NAV3: variants seen among roughly 807,000 people sequenced by gnomAD.
NAV3 encodes the protein pore membrane and/or filament interacting like protein 1.
In NAV3, 87 loss-of-function variants were observed where a neutral mutation model predicts 244.7. The observed-to-expected ratio is 0.36, with a 90% CI of 0.30 to 0.42. The LOEUF (loss-of-function observed/expected upper bound fraction) is 0.42. Ranked by LOEUF, NAV3 falls within the 20% of genes least tolerant of loss-of-function variation. The pLI, the probability that NAV3 is intolerant of heterozygous loss-of-function variation, is 1.00. For missense variants in NAV3, 2,663 were observed against 2,893.3 expected, an observed-to-expected ratio of 0.92 and a Z score of 1.83; for synonymous variants, 1,126 against 1,042.2, an observed-to-expected ratio of 1.08 and a Z score of -1.55.
intron 1 of NAV3, among the ~76,000 whole-genome samples, chr12:77,857,409 G>A (rs189420409): frequency 5.3e-5 from 8 of 151,404 alleles, no homozygotes; most frequent in African/African-American, 1.9e-4. Flanking sequence ...TAGTGTTAAC[G>A]GTTGCATTGA....
rs1954807555 is a variant in NAV3, at chr12:78,106,474, GTA to G, written c.2637-10296_2637-10295del. On this transcript the variant is annotated intron_variant, in intron 12 of 39. Coordinates refer to ENST00000397909, the MANE Select transcript of NAV3 (RefSeq NM_001024383.2). ...TGGATTGAGAGACAATATTGTTAAAGTATCAGTATTTCCCAAATTAATCAATA... is the reference window on the plus strand; with the variant it reads ...TGGATTGAGAGACAATATTGTTAAAGTCAGTATTTCCCAAATTAATCAATA... Among the ~76,000 whole-genome samples, 5 of 152,302 alleles carry G rather than the reference GTA, an allele frequency of 3.3e-5. No homozygotes were observed. In the South Asian group the frequency reaches 1.0e-3, roughly 32 times the overall value.
intron 12 of NAV3, among the ~76,000 whole-genome samples, chr12:78,061,969 C>T (rs1344448667): frequency 6.6e-6 from 1 of 152,110 alleles, no homozygotes; most frequent in African/African-American, 2.4e-5. Context: ...CTACTAAAAA[C>T]TATGTCCATA....
At chr12:77,697,329 C>A (rs1165109596) in intron 2 of NAV3, among the ~76,000 whole-genome samples, 1 of 152,136 alleles carries the variant, frequency 6.6e-6, no homozygotes, top group Admixed American at 6.6e-5. Flanking sequence ...ATGGGCAGGT[C>A]AAAATGGCTT....
At chr12:77,911,577 A>G (rs1447198218) in intron 1 of NAV3, among the ~76,000 whole-genome samples, 3 of 152,244 alleles carry the variant, frequency 2.0e-5, no homozygotes, top group Non-Finnish European at 2.9e-5. Flanking sequence ...ATATGCAAAA[A>G]CATCAATTAT....
At chr12:77,668,685 A>G (rs1269174349) in intron 2 of NAV3, among the ~76,000 whole-genome samples, 1 of 152,190 alleles carries the variant, frequency 6.6e-6, no homozygotes, top group Non-Finnish European at 1.5e-5. Context: ...GGTGTTCTTG[A>G]AGAAAAAGAG....
At chr12:78,030,162 C>T (rs1218186605) in intron 9 of NAV3, among the ~76,000 whole-genome samples, 1 of 152,134 alleles carries the variant, frequency 6.6e-6, no homozygotes. Flanking sequence ...CTTCTGGTCC[C>T]AAGCATTTCT....
chr12:78,110,180 T>C (rs1266703385), intron 12 of NAV3, among the ~76,000 whole-genome samples: 2 of 151,920 alleles, frequency 1.3e-5, no homozygotes, highest in South Asian at 2.1e-4. Context: ...ATCAAGAAAG[T>C]GATCCCATTT....
chr12:77,623,607 C>T (rs148830027), intron 2 of NAV3, among the ~76,000 whole-genome samples: 12 of 152,226 alleles, frequency 7.9e-5, no homozygotes, highest in African/African-American at 2.4e-4. Context: ...TCTATTTTAC[C>T]GCTGCTCAGC....
chr12:77,582,291 T>G (rs573547566), intron 2 of NAV3, among the ~76,000 whole-genome samples: 1 of 152,350 alleles, frequency 6.6e-6, no homozygotes, highest in African/African-American at 2.4e-5. Flanking sequence ...TCTATTAAAT[T>G]TGTATGCCAC....
chr12:78,033,029 A>G (rs548780975), intron 9 of NAV3, among the ~76,000 whole-genome samples: 1 of 152,328 alleles, frequency 6.6e-6, no homozygotes, highest in African/African-American at 2.4e-5. Context: ...GGACTGGCTC[A>G]ATATCAATAA....
At chr12:77,859,335 G>A (rs1226804681) in intron 1 of NAV3, among the ~76,000 whole-genome samples, 2 of 151,910 alleles carry the variant, frequency 1.3e-5, no homozygotes, top group Admixed American at 6.6e-5. Flanking sequence ...TACTGTAAAC[G>A]TGTTTCAGAA....
chr12:78,124,465 T>G (rs1426360337), intron 16 of NAV3, among the ~76,000 whole-genome samples: 1 of 152,188 alleles, frequency 6.6e-6, no homozygotes, highest in Non-Finnish European at 1.5e-5. Flanking sequence ...TGTTATTTAT[T>G]TGTTTTGAAA....
At chr12:78,088,849 T>C (rs547838656) in intron 12 of NAV3, 9 of 152,224 alleles carry the variant, frequency 5.9e-5, no homozygotes, top group African/African-American at 1.9e-4. Context: ...CATGTCATAC[T>C]AGCAAAGACA....
intron 18 of NAV3, among the ~76,000 whole-genome samples, chr12:78,136,229 T>A (rs1295439313): frequency 1.3e-5 from 2 of 152,244 alleles, no homozygotes; most frequent in Non-Finnish European, 2.9e-5. Flanking sequence ...GTTCCCTTTA[T>A]ATCTTAAGAG....
chr12:77,719,141 T>G (rs1459606292), intron 2 of NAV3, among the ~76,000 whole-genome samples: 1 of 152,204 alleles, frequency 6.6e-6, no homozygotes, highest in African/African-American at 2.4e-5. Context: ...TGTATGGAAA[T>G]GCAACTAATT....
At chr12:78,112,641 T>G (rs1955158109) in intron 12 of NAV3, among the ~76,000 whole-genome samples, 1 of 152,142 alleles carries the variant, frequency 6.6e-6, no homozygotes, top group Admixed American at 6.6e-5. Context: ...ACTCAATTAC[T>G]TCCCACCAGG....
At chr12:77,730,401 A>C (rs1263461385) in intron 2 of NAV3, among the ~76,000 whole-genome samples, 1 of 151,992 alleles carries the variant, frequency 6.6e-6, no homozygotes, top group African/African-American at 2.4e-5. Context: ...AAACTAAAAA[A>C]AACAATAATG....
intron 12 of NAV3, among the ~76,000 whole-genome samples, chr12:78,090,185 GTGTGTA>G (rs1470452365): frequency 2.0e-5 from 3 of 147,180 alleles, no homozygotes; most frequent in African/African-American, 7.5e-5. Context: ...AAATATATAT[GTGTGTA>G]TATATATATA....
chr12:77,665,264 T>G (rs911563838), intron 2 of NAV3, among the ~76,000 whole-genome samples: 4 of 152,194 alleles, frequency 2.6e-5, no homozygotes, highest in Admixed American at 2.6e-4. Flanking sequence ...CAAGGACATA[T>G]CTATATTATT....
Sources: gnomAD v4.1 joint callset for allele counts (sites outside exome capture counted in the v4.1 genomes callset) on GRCh38, gnomAD v4.1.1 for gene constraint, MANE v1.5 for transcripts, NCBI Gene and HGNC (gene_info 2026-07-23, HGNC 2026-07-21) for gene names.